Variants in RAD51B observed in about 807,000 individuals in gnomAD.
RAD51B encodes RAD51 paralog B, also known as DNA repair protein RAD51 homolog 2.
Under a neutral mutation model 42.2 loss-of-function variants are expected in RAD51B, and 38 were observed. That is an observed-to-expected ratio of 0.90 (90% CI 0.70 to 1.18). RAD51B has a LOEUF of 1.18. RAD51B is among the 50% of genes most tolerant of loss of function. RAD51B has a pLI of 0.00. For synonymous variants in RAD51B, 154 were observed against 145.2 expected (o/e 1.06, Z -0.43); for missense variants, 373 against 400.7 (o/e 0.93, Z 0.59).
intron 10 of RAD51B, among the ~76,000 whole-genome samples, chr14:68,496,459 C>T (rs1166860868): frequency 6.6e-6 from 1 of 152,214 alleles, no homozygotes; most frequent in Non-Finnish European, 1.5e-5. Context: ...CACCATCTTC[C>T]TTTAACACTG....
intron 7 of RAD51B, among the ~76,000 whole-genome samples, chr14:68,283,744 T>G (rs1252263036): frequency 6.6e-6 from 1 of 152,194 alleles, no homozygotes; most frequent in Non-Finnish European, 1.5e-5. Flanking sequence ...CAGCCAGCAG[T>G]GGAACCATAG....
At chr14:68,047,218 A>T (rs2076316238) in intron 7 of RAD51B, among the ~76,000 whole-genome samples, 1 of 152,112 alleles carries the variant, frequency 6.6e-6, no homozygotes, top group African/African-American at 2.4e-5. Flanking sequence ...GAACAACTCT[A>T]AAAAAGTAGA....
Position 68,193,959 on chromosome 14 carries a change from A to G in RAD51B, c.757-97925A>G, listed in dbSNP as rs74758100. ...GATCACACTCATTAGACTGTTTACT[A>G]CCACGAATTCTGGGAGAAATGGCCT... On this transcript the variant is annotated intron_variant, in intron 7 of 10. Coordinates refer to ENST00000471583, the MANE Select transcript of RAD51B (RefSeq NM_133510.4). 6.4e-3 allele frequency among the ~76,000 whole-genome samples: 982 copies of G among 152,288 alleles called. 10 individuals are homozygous for G. Among genetic ancestry groups the G allele is most frequent in the African/African-American group, 0.023 (935 of 41,550 alleles).
chr14:68,374,043 G>A (rs2083313241), intron 8 of RAD51B, among the ~76,000 whole-genome samples: 1 of 152,200 alleles, frequency 6.6e-6, no homozygotes, highest in African/African-American at 2.4e-5. Flanking sequence ...TTTCATACCA[G>A]ACATGTTAAT....
intron 7 of RAD51B, among the ~76,000 whole-genome samples, chr14:67,971,600 G>C (rs921675706): frequency 5.3e-5 from 8 of 152,074 alleles, no homozygotes; most frequent in African/African-American, 1.9e-4. Context: ...AGATGGGAAT[G>C]AACTATAAAA....
At chr14:68,021,065 AC>A (rs777239264) in intron 7 of RAD51B, among the ~76,000 whole-genome samples, 1 of 152,104 alleles carries the variant, frequency 6.6e-6, no homozygotes, top group Non-Finnish European at 1.5e-5. Flanking sequence ...GAAACTGAAT[AC>A]CCCCCTGGGA....
At chr14:68,399,247 A>AT (rs71446354) in intron 8 of RAD51B, among the ~76,000 whole-genome samples, 20 of 139,604 alleles carry the variant, frequency 1.4e-4, no homozygotes, top group East Asian at 4.3e-4. Flanking sequence ...CCTTTACCTG[A>AT]TTTTTTTTTG....
intron 7 of RAD51B, among the ~76,000 whole-genome samples, chr14:67,894,362 T>C (rs2043335245): frequency 6.6e-6 from 1 of 152,228 alleles, no homozygotes; most frequent in South Asian, 2.1e-4. Flanking sequence ...TGGATGCTGT[T>C]ACTGCCTGAA....
In RAD51B at chr14:68,397,930, A is replaced by G. The variant is rs541640089; in HGVS notation, c.854-13494A>G. Among the ~76,000 whole-genome samples the G allele has an allele frequency of 3.3e-5, 5 of 152,332 alleles. No homozygotes were observed. In the South Asian group the frequency reaches 1.0e-3, roughly 32 times the overall value. On this transcript the variant is annotated intron_variant, in intron 8 of 10. Transcript: ENST00000471583. ...ACCCCCTTCTCAGAGCCTCGAGGGC[A>G]GCAAACATATGTGAGGCCAGCATTC...
chr14:67,932,588 G>A (rs1187280933), intron 7 of RAD51B, among the ~76,000 whole-genome samples: 1 of 152,092 alleles, frequency 6.6e-6, no homozygotes, highest in African/African-American at 2.4e-5. Flanking sequence ...GGGTGGGCAG[G>A]TGAGCAAGTT....
chr14:68,317,387 C>A (rs1299383140), intron 8 of RAD51B, among the ~76,000 whole-genome samples: 1 of 152,032 alleles, frequency 6.6e-6, no homozygotes, highest in South Asian at 2.1e-4. Context: ...ATGTCTCTAC[C>A]CTTAAGAACT....
At chr14:67,956,727 G>T (rs1011987714) in intron 7 of RAD51B, among the ~76,000 whole-genome samples, 1 of 152,134 alleles carries the variant, frequency 6.6e-6, no homozygotes, top group Non-Finnish European at 1.5e-5. Flanking sequence ...ACTAAGAGTT[G>T]CACTGTCCAA....
rs372215764 is a variant in RAD51B at position 68,454,844 on chromosome 14, A to G, written c.958-13328A>G. Among the ~76,000 whole-genome samples, 9 of 152,318 alleles carry G rather than the reference A, an allele frequency of 5.9e-5. No individual in the cohort carries two copies. The East Asian group carries it at 1.2e-3, about 20-fold the overall frequency. ...GAGGCTGACCAAAAAATACAAAAGG[A>G]AAATCTGGGGGAATGAGATAGCTAC... On this transcript the variant is annotated intron_variant, in intron 9 of 10. Coordinates refer to ENST00000471583, the MANE Select transcript of RAD51B (RefSeq NM_133510.4).
chr14:67,952,663 T>C (rs1320855624), intron 7 of RAD51B, among the ~76,000 whole-genome samples: 1 of 151,068 alleles, frequency 6.6e-6, no homozygotes, highest in East Asian at 1.9e-4. Context: ...GAAGTAAGGA[T>C]GTCCTCTGAA....
chr14:68,545,319 C>T (rs1160877938), intron 10 of RAD51B, among the ~76,000 whole-genome samples: 1 of 152,240 alleles, frequency 6.6e-6, no homozygotes, highest in Non-Finnish European at 1.5e-5. Context: ...TGGATATCTT[C>T]ATGCTTCTTT....
intron 7 of RAD51B, among the ~76,000 whole-genome samples, chr14:68,062,009 A>G (rs569644691): frequency 1.3e-5 from 2 of 152,344 alleles, no homozygotes; most frequent in Middle Eastern, 3.4e-3. Flanking sequence ...CTTTTTCACC[A>G]TAAGGTATGA....
intron 8 of RAD51B, among the ~76,000 whole-genome samples, chr14:68,305,642 G>C (rs1008554046): frequency 6.6e-6 from 1 of 152,208 alleles, no homozygotes; most frequent in African/African-American, 2.4e-5. Context: ...AGATCATCAT[G>C]ATCTTTGTGA....
intron 10 of RAD51B, among the ~76,000 whole-genome samples, chr14:68,618,558 C>G (rs931099809): frequency 6.6e-6 from 1 of 152,146 alleles, no homozygotes; most frequent in Non-Finnish European, 1.5e-5. Context: ...TCCCCTAAAT[C>G]CTGTCCATAG....
At chr14:67,994,306 G>A (rs1180577895) in intron 7 of RAD51B, among the ~76,000 whole-genome samples, 1 of 151,806 alleles carries the variant, frequency 6.6e-6, no homozygotes, top group Non-Finnish European at 1.5e-5. Flanking sequence ...ATCATTGCTA[G>A]GTAGGCAAGA....
Sources: gnomAD v4.1 joint callset for allele counts (sites outside exome capture counted in the v4.1 genomes callset) on GRCh38, gnomAD v4.1.1 for gene constraint, MANE v1.5 for transcripts, NCBI Gene and HGNC (gene_info 2026-07-23, HGNC 2026-07-21) for gene names.